Variants in HDAC5 observed in about 807,000 individuals in gnomAD.
HDAC5 encodes antigen NY-CO-9.
In HDAC5, 25 loss-of-function variants were observed where a neutral mutation model predicts 133.3. The ratio of observed to expected loss-of-function variants is 0.19; its 90% confidence interval spans 0.14 to 0.26. HDAC5 has a LOEUF of 0.26. Among genes scored for constraint, HDAC5 ranks in the 10% least tolerant of loss-of-function variants. HDAC5 has a pLI of 1.00. For missense variants in HDAC5, 1,041 were observed against 1,460.5 expected, an observed-to-expected ratio of 0.71 and a Z score of 4.68; for synonymous variants, 589 against 610.8, an observed-to-expected ratio of 0.96 and a Z score of 0.53.
chr17:44,090,642 G>C (rs534124435), intron 11 of HDAC5, among the ~76,000 whole-genome samples: 19 of 151,784 alleles, frequency 1.3e-4, no homozygotes, highest in Non-Finnish European at 2.6e-4. Context: ...CCAAAGTGCC[G>C]GGCTCACAGG....
chr17:44,115,856 C>G (rs2052615070), intron 2 of HDAC5: 1 of 152,264 alleles, frequency 6.6e-6, no homozygotes, highest in Non-Finnish European at 1.5e-5. Context: ...ACTCAGGACG[C>G]CCCTCCTGGC....
intron 3 of HDAC5, among the ~76,000 whole-genome samples, chr17:44,102,480 C>G (rs1337455770): frequency 6.6e-6 from 1 of 152,178 alleles, no homozygotes; most frequent in African/African-American, 2.4e-5. Flanking sequence ...CCTGCCTCAG[C>G]CTCCTGAGTA....
At chr17:44,091,925 G>A in intron 9 of HDAC5, 94 bp from the exon 10 acceptor site, 1 of 1,406,058 alleles carries the variant, frequency 7.1e-7, no homozygotes, top group Non-Finnish European at 9.6e-7. Context: ...TCTCTGAATG[G>A]TGCCCAGTTC....
At chr17:44,084,805 C>CT in intron 15 of HDAC5, 130 bp from the exon 16 acceptor site, 1 of 1,342,934 alleles carries the variant, frequency 7.4e-7, no homozygotes, top group South Asian at 1.4e-5. Context: ...AAAGTAGATC[C>CT]TGGCTCTGTC....
At chr17:44,115,817 G>C (rs228769) in intron 2 of HDAC5, 101,491 of 152,090 alleles carry the variant, frequency 0.67, 35,305 homozygotes, top group South Asian at 0.79. Flanking sequence ...GGAAAGCCAG[G>C]CAGGACGCGG....
intron 11 of HDAC5, among the ~76,000 whole-genome samples, chr17:44,090,925 G>A (rs944219777): frequency 2.0e-5 from 3 of 152,164 alleles, no homozygotes; most frequent in African/African-American, 7.2e-5. Flanking sequence ...TCCTGACCTC[G>A]TGATCCACCC....
intron 2 of HDAC5, among the ~76,000 whole-genome samples, chr17:44,115,643 G>T (rs1460631840): frequency 6.6e-6 from 1 of 152,148 alleles, no homozygotes; most frequent in East Asian, 1.9e-4. Flanking sequence ...AGAACCCCAG[G>T]AACACTCTGC....
intron 2 of HDAC5, chr17:44,111,049 C>G (rs775644293): frequency 1.9e-6 from 1 of 530,428 alleles, no homozygotes; most frequent in South Asian, 1.9e-5. Flanking sequence ...GGCCCTAGAG[C>G]TGCAGGCCCA....
Position 44,123,634 on chromosome 17 carries a change from A to C in HDAC5, c.-320T>G. Reference sequence around the variant, plus strand: ...CCGGCTCCGCTCGCCGCCGCCACCAACAACAACATTCGGAGACGTCACTCC... The same window carrying C: ...CCGGCTCCGCTCGCCGCCGCCACCACCAACAACATTCGGAGACGTCACTCC... On this transcript the variant is annotated 5_prime_UTR_variant, in exon 1 of 27. Coordinates refer to ENST00000682912, the MANE Select transcript of HDAC5 (RefSeq NM_005474.5). 2 of 395,796 alleles carry C rather than the reference A, an allele frequency of 5.1e-6. No individual in the cohort carries two copies. Among genetic ancestry groups the C allele is most frequent in the Non-Finnish European group, 8.9e-6 (2 of 224,388 alleles). 24.5% of individuals were successfully genotyped at this position (395,796 alleles called of 1,614,324 possible).
In HDAC5 at chr17:44,088,480, C is replaced by T. The variant is rs570609262; in HGVS notation, c.1506G>A (p.Pro502=). 20 of 1,610,686 alleles carry T rather than the reference C, an allele frequency of 1.2e-5. No individual in the cohort carries two copies. Among genetic ancestry groups the T allele is most frequent in the African/African-American group, 4.0e-5 (3 of 75,010 alleles). ...GCTGCTGCAGGGCCTGGGGACTCTG[C>T]GGCAGCGGTGAGGACTGAGTGCGGC... ...PLSRTQSSPL[P]QSPQALQQLV... The change falls in exon 12 of 27, where the codon CCG becomes CCA. Residue 502 remains proline, a synonymous_variant. Coordinates refer to ENST00000682912, the MANE Select transcript of HDAC5 (RefSeq NM_005474.5).
Position 44,093,723 on chromosome 17 carries a change from G to A in HDAC5, c.206C>T (p.Pro69Leu), listed in dbSNP as rs1160043704. 1 of 1,605,462 alleles carries A rather than the reference G, an allele frequency of 6.2e-7. No individual in the cohort carries two copies. ...LRGALVGSVD[P>L]TLREQQLQQE... ...CTGCAGTTGCTGCTCCCGCAGTGTGGGGTCCACAGAGCCCACCAGAGCCCC... is the reference window on the plus strand; with the variant it reads ...CTGCAGTTGCTGCTCCCGCAGTGTGAGGTCCACAGAGCCCACCAGAGCCCC... The change falls in exon 4 of 27, where the codon CCC becomes CTC. Residue 69 changes from proline (P) to leucine (L), a missense_variant. This residue lies in a region of HDAC5 where 93 missense variants were observed against 98.8 expected (regional missense o/e 0.94). Transcript: ENST00000682912.
chr17:44,088,222 A>G (rs2050761959), intron 12 of HDAC5, among the ~76,000 whole-genome samples, 165 bp downstream of exon 12: 1 of 152,150 alleles, frequency 6.6e-6, no homozygotes, highest in Non-Finnish European at 1.5e-5. Flanking sequence ...CATGTTGGCC[A>G]GGCTGGTCTC....
intron 3 of HDAC5, among the ~76,000 whole-genome samples, chr17:44,107,832 T>C (rs532530145): frequency 5.0e-4 from 76 of 152,168 alleles, no homozygotes; most frequent in African/African-American, 3.6e-4. Context: ...CCAGTGTCCA[T>C]AGCATTCCTT....
chr17:44,092,001 A>G (rs963769725), intron 9 of HDAC5, among the ~76,000 whole-genome samples, 170 bp from the exon 10 acceptor site: 6 of 152,174 alleles, frequency 3.9e-5, no homozygotes, highest in Non-Finnish European at 7.3e-5. Context: ...CTGTGGGACA[A>G]ATTCCCCTTC....
rs1423716092 is a variant in HDAC5 at position 44,117,275 on chromosome 17, G to A, written c.22+219C>T. Among the ~76,000 whole-genome samples the A allele has an allele frequency of 6.6e-6, 1 of 152,216 alleles. No homozygotes were observed. Among genetic ancestry groups the A allele is most frequent in the Non-Finnish European group, 1.5e-5 (1 of 68,034 alleles). On this transcript the variant is annotated intron_variant, in intron 2 of 26. Transcript: ENST00000682912. This position sits in a 1 kb window ranked among gnomAD's most constrained non-coding sequence, Gnocchi z 4.2. Reference sequence around the variant, plus strand: ...TGAGAGGGCAAGCATGGGGGGCAGAGTAGGACCCATTGCCTTCCCAGGACC... The same window carrying A: ...TGAGAGGGCAAGCATGGGGGGCAGAATAGGACCCATTGCCTTCCCAGGACC...
At chr17:44,083,976 T>C (rs1322034754) in intron 16 of HDAC5, 122 bp from the exon 17 acceptor site, 1 of 760,244 alleles carries the variant, frequency 1.3e-6, no homozygotes, top group Non-Finnish European at 2.3e-6. Flanking sequence ...ATACAAAACT[T>C]AGCTGGGCGT....
At position 44,077,874 on chromosome 17, in the gene HDAC5, C is replaced by T. The variant is rs1406332911; in HGVS notation, c.*502G>A. 3 of 153,416 alleles carry T rather than the reference C, an allele frequency of 2.0e-5. No homozygotes were observed. Among genetic ancestry groups the T allele is most frequent in the Admixed American group, 6.5e-5 (1 of 15,312 alleles). The allele number at this position is 153,416 out of a possible 1,614,324, so 9.5% of individuals were successfully genotyped here. On this transcript the variant is annotated 3_prime_UTR_variant, in exon 27 of 27. Transcript: ENST00000682912. ...GAAAGAAGGGGAAAGGGTGGAGAAT[C>T]GCAGGGTGGGTGCCCACCTCCCCTC...
At chr17:44,116,803 C>T (rs1049686896) in intron 2 of HDAC5, among the ~76,000 whole-genome samples, 1 of 152,080 alleles carries the variant, frequency 6.6e-6, no homozygotes, top group South Asian at 2.1e-4. Context: ...GCCTAGAGTC[C>T]CCCAAATAGA....
At chr17:44,093,034 G>T in intron 6 of HDAC5, 58 bp downstream of exon 6, 1 of 1,293,020 alleles carries the variant, frequency 7.7e-7, no homozygotes, top group Non-Finnish European at 1.1e-6. Context: ...CCATCCTATA[G>T]CCAGGCAGCC....
Sources: allele counts gnomAD v4.1 joint callset (sites outside exome capture counted in the v4.1 genomes callset), GRCh38; gene constraint gnomAD v4.1.1; regional missense constraint gnomAD v4.1.1; non-coding constraint Gnocchi (gnomAD v3.1); transcripts MANE v1.5; gene names NCBI Gene and HGNC (gene_info 2026-07-23, HGNC 2026-07-21).